STAB2: variants seen among roughly 807,000 people sequenced by gnomAD.
The protein encoded by STAB2 is stabilin-2.
In STAB2, 288 loss-of-function variants were observed where a neutral mutation model predicts 338.1. That is an observed-to-expected ratio of 0.85 (90% CI 0.77 to 0.94). The LOEUF (loss-of-function observed/expected upper bound fraction) is 0.94. Ranked by LOEUF, STAB2 falls within the 40% of genes least tolerant of loss-of-function variation. The pLI is 0.00. For missense variants in STAB2, 3,141 were observed against 3,210.1 expected, an observed-to-expected ratio of 0.98 and a Z score of 0.52; for synonymous variants, 1,202 against 1,193.3, an observed-to-expected ratio of 1.01 and a Z score of -0.15.
intron 11 of STAB2, among the ~76,000 whole-genome samples, chr12:103,651,309 T>A (rs1482913872): frequency 7.3e-6 from 1 of 136,082 alleles, no homozygotes; most frequent in African/African-American, 2.7e-5. Flanking sequence ...TTTTTCCTGA[T>A]CTTGATTTTT....
At chr12:103,718,340 C>A (rs1013221311) in intron 44 of STAB2, among the ~76,000 whole-genome samples, 1 of 152,034 alleles carries the variant, frequency 6.6e-6, no homozygotes, top group Non-Finnish European at 1.5e-5. Context: ...ACTCTCACCC[C>A]ACAACTACCC....
chr12:103,750,129 T>C (rs1883496642), intron 59 of STAB2, among the ~76,000 whole-genome samples: 3 of 152,208 alleles, frequency 2.0e-5, no homozygotes, highest in Non-Finnish European at 1.5e-5. Context: ...CCAGTGGTCA[T>C]TGTGCACCTA....
chr12:103,673,597 C>T (rs767607600), intron 22 of STAB2, among the ~76,000 whole-genome samples: 10 of 152,304 alleles, frequency 6.6e-5, no homozygotes, highest in South Asian at 2.1e-4. Flanking sequence ...AATCCTCCCA[C>T]GTCAGCTTCC....
intron 9 of STAB2, among the ~76,000 whole-genome samples, chr12:103,640,662 A>G (rs1264948935): frequency 6.6e-6 from 1 of 152,204 alleles, no homozygotes; most frequent in Non-Finnish European, 1.5e-5. Flanking sequence ...GAAAGTGAAT[A>G]AGCACTAGTG....
intron 10 of STAB2, among the ~76,000 whole-genome samples, chr12:103,649,619 A>T (rs1018605838): frequency 2.6e-5 from 4 of 152,204 alleles, no homozygotes; most frequent in African/African-American, 9.6e-5. Context: ...TAGATAAACC[A>T]GTGTAATTGA....
intron 12 of STAB2, 70 bp downstream of exon 12, chr12:103,652,775 C>T: frequency 7.0e-7 from 1 of 1,426,528 alleles, no homozygotes; most frequent in East Asian, 2.6e-5. Context: ...ATCCTTCTCT[C>T]TCTTTTTGTT....
rs34881989 is a variant in STAB2 at position 103,620,624 on chromosome 12, A to AACACACAC, written c.417+94_417+101dup. On this transcript the variant is annotated intron_variant, in intron 4 of 68. Transcript: ENST00000388887. Reference sequence around the variant, plus strand: ...TCTTCTTACCTGTTGATCCTCCTTAAACACACACACACACACACACACACA... The same window carrying AACACACAC: ...TCTTCTTACCTGTTGATCCTCCTTAAACACACACACACACACACACACACACACACACA... 5.4e-4 allele frequency: 459 copies of AACACACAC among 842,486 alleles called. No individual in the cohort carries two copies. The African/African-American group carries it at 6.8e-3, about 12-fold the overall frequency. 52.2% of individuals were successfully genotyped at this position (842,486 alleles called of 1,614,324 possible). A position where few individuals can be genotyped will look rare whatever the true frequency, so the allele number is the denominator to read the frequency against.
In STAB2 at chr12:103,690,474, C is replaced by A. The variant is rs1877835907; in HGVS notation, c.3233C>A (p.Ser1078Tyr). The part of the protein sequence containing the change: ...TYRVADLQTL[S>Y]SSDMLATSLQ... Reference sequence around the variant, plus strand: ...AGAGTGGCAGATCTGCAGACCCTGTCTTCTTCTGACATGTTGGCAACATCT... The same window carrying A: ...AGAGTGGCAGATCTGCAGACCCTGTATTCTTCTGACATGTTGGCAACATCT... Residue 1078 changes from serine to tyrosine, a missense_variant, in exon 30 of 69, where the codon TCT (serine) becomes TAT (tyrosine). Coordinates refer to ENST00000388887, the MANE Select transcript of STAB2 (RefSeq NM_017564.10). 2 of 1,614,138 alleles carry A rather than the reference C, an allele frequency of 1.2e-6. No individual in the cohort carries two copies. Among genetic ancestry groups the A allele is most frequent in the Non-Finnish European group, 1.7e-6 (2 of 1,179,984 alleles).
intron 7 of STAB2, among the ~76,000 whole-genome samples, chr12:103,637,605 C>T (rs972392074): frequency 2.0e-5 from 3 of 152,158 alleles, no homozygotes; most frequent in Admixed American, 6.5e-5. Context: ...CTTCTACTGA[C>T]TACATGACCT....
chr12:103,708,290 C>A (rs1879544084), intron 38 of STAB2, 151 bp from the exon 39 acceptor site: 2 of 697,398 alleles, frequency 2.9e-6, no homozygotes, highest in Non-Finnish European at 2.5e-6. Context: ...TGCACCCCTG[C>A]CCTTTTTGTG....
chr12:103,715,107 T>A (rs1446046996), intron 42 of STAB2, among the ~76,000 whole-genome samples: 1 of 152,076 alleles, frequency 6.6e-6, no homozygotes, highest in Non-Finnish European at 1.5e-5. Context: ...CCTCGCCAAC[T>A]TTTTTTTAGT....
chr12:103,749,841 C>CCAAAAAAAAA, intron 59 of STAB2, among the ~76,000 whole-genome samples: 1 of 51,152 alleles, frequency 2.0e-5, no homozygotes, highest in East Asian at 6.3e-4. Context: ...CTCTGTCTCA[C>CCAAAAAAAAA]AAAAAAAAAA....
intron 5 of STAB2, among the ~76,000 whole-genome samples, chr12:103,631,255 G>A (rs749364242): frequency 4.6e-5 from 7 of 152,012 alleles, no homozygotes; most frequent in African/African-American, 1.2e-4. Context: ...TCTTTTAAAC[G>A]TAACAGGTGT....
intron 23 of STAB2, among the ~76,000 whole-genome samples, chr12:103,675,063 CTAT>C (rs1876207296): frequency 6.6e-6 from 1 of 152,134 alleles, no homozygotes; most frequent in South Asian, 2.1e-4. Context: ...ACAGATCAAC[CTAT>C]TTCTTCATTT....
intron 5 of STAB2, among the ~76,000 whole-genome samples, chr12:103,631,268 A>G (rs555816159): frequency 4.2e-4 from 64 of 152,314 alleles, no homozygotes; most frequent in African/African-American, 1.5e-3. Context: ...ACAGGTGTAT[A>G]TAAGACACTA....
chr12:103,710,295 C>T (rs139948415), intron 39 of STAB2, among the ~76,000 whole-genome samples: 4 of 152,282 alleles, frequency 2.6e-5, no homozygotes, highest in African/African-American at 9.6e-5. Flanking sequence ...ATCTCCCATC[C>T]CTGTCTCCAG....
intron 29 of STAB2, 48 bp from the exon 30 acceptor site, chr12:103,690,375 GC>G (rs1877820795): frequency 6.8e-7 from 1 of 1,461,610 alleles, no homozygotes; most frequent in African/African-American, 1.4e-5. Context: ...CAATGATACA[GC>G]CCCATACATT....
intron 14 of STAB2, 64 bp downstream of exon 14, chr12:103,655,371 G>T (rs1874101220): frequency 6.2e-7 from 1 of 1,602,698 alleles, no homozygotes; most frequent in African/African-American, 1.3e-5. Context: ...ATTAGCAGGG[G>T]TGTCAATTAT....
At position 103,666,303 on chromosome 12, in the gene STAB2, A is replaced by G; in HGVS notation, c.2035A>G (p.Ser679Gly). 6.2e-7 allele frequency: 1 copy of G among 1,614,046 alleles called. No homozygotes were observed. The highest frequency in any genetic ancestry group is 8.5e-7 in the Non-Finnish European group (1 of 1,180,010). Residue 679 changes from serine to glycine, a missense_variant, in exon 19 of 69, where the codon AGC (serine) becomes GGC (glycine). Physicochemically the swap from Ser to Gly is moderately conservative, Grantham distance 56 (BLOSUM62 0). Transcript: ENST00000388887. Reference sequence around the variant, plus strand: ...TCTCTCCCTCCAGGGCACTTGTGTGAGCTGTTCTCTGGTGTACTGGAGCAG... The same window carrying G: ...TCTCTCCCTCCAGGGCACTTGTGTGGGCTGTTCTCTGGTGTACTGGAGCAG... Reference protein sequence around the residue: ...KREMKLGTCVSCSLVYWSRCP... With the variant: ...KREMKLGTCVGCSLVYWSRCP...
Sources: gnomAD v4.1 joint callset for allele counts (sites outside exome capture counted in the v4.1 genomes callset) on GRCh38, gnomAD v4.1.1 for gene constraint, MANE v1.5 for transcripts, NCBI Gene and HGNC (gene_info 2026-07-23, HGNC 2026-07-21) for gene names.